Variants in MCU observed in about 807,000 individuals in gnomAD.
MCU encodes the protein mitochondrial calcium uniporter.
Under a neutral mutation model 45.2 loss-of-function variants are expected in MCU, and 12 were observed. That is an observed-to-expected ratio of 0.27 (90% CI 0.17 to 0.43). The LOEUF is 0.43. MCU is among the 20% of genes least tolerant of loss of function. The pLI, the probability that MCU is intolerant of heterozygous loss-of-function variation, is 1.00. For synonymous variants in MCU, 160 were observed against 165.1 expected, an observed-to-expected ratio of 0.97 and a Z score of 0.24; for missense variants, 324 against 436.7, an observed-to-expected ratio of 0.74 and a Z score of 2.30.
chr10:72,849,453 A>G lies in MCU; in HGVS notation c.221-9724A>G, dbSNP rs577676866. Among the ~76,000 whole-genome samples the G allele has an allele frequency of 2.0e-5, 3 of 152,220 alleles. No homozygotes were observed. In the South Asian group the frequency reaches 6.2e-4, roughly 32 times the overall value. ...ATGGGTGGTTAGGGAAGATGGATTC[A>G]CTTTTAGGACTTTTGAGTTTCAGTT... On this transcript the variant is annotated intron_variant, in intron 2 of 7. Transcript: ENST00000373053.
intron 6 of MCU, among the ~76,000 whole-genome samples, chr10:72,883,266 T>C (rs1845733161): frequency 6.6e-6 from 1 of 152,126 alleles, no homozygotes; most frequent in Admixed American, 6.5e-5. Context: ...TGGAGTTCTT[T>C]TTTGGGGTGA....
At position 72,813,928 on chromosome 10, in the gene MCU, T is replaced by A. The variant is rs189042925; in HGVS notation, c.151-20431T>A. Among the ~76,000 whole-genome samples the A allele has an allele frequency of 5.8e-3, 877 of 152,324 alleles. 8 individuals carry two copies. Among genetic ancestry groups the A allele is most frequent in the African/African-American group, 0.02 (815 of 41,566 alleles). Reference sequence around the variant, plus strand: ...TTCAGGTCTATACATACATATTTTTTAAACATAATTTAGGTTCTTGCTACA... The same window carrying A: ...TTCAGGTCTATACATACATATTTTTAAAACATAATTTAGGTTCTTGCTACA... On this transcript the variant is annotated intron_variant, in intron 1 of 7. Transcript: ENST00000373053.
chr10:72,825,525 G>GT (rs1445075687), intron 1 of MCU, among the ~76,000 whole-genome samples: 1 of 152,128 alleles, frequency 6.6e-6, no homozygotes, highest in Non-Finnish European at 1.5e-5. Flanking sequence ...TATTACCTGT[G>GT]TTTTATCAGT....
At chr10:72,695,085 A>G (rs1842669486) in intron 1 of MCU, among the ~76,000 whole-genome samples, 1 of 152,164 alleles carries the variant, frequency 6.6e-6, no homozygotes, top group Non-Finnish European at 1.5e-5. Flanking sequence ...GGTGGCTGCT[A>G]TTTTTAAGTA....
chr10:72,780,298 T>A (rs1843970201), intron 1 of MCU, among the ~76,000 whole-genome samples: 1 of 152,048 alleles, frequency 6.6e-6, no homozygotes, highest in South Asian at 2.1e-4. Flanking sequence ...GGGTATGAGG[T>A]TTCTTTTTAG....
intron 2 of MCU, among the ~76,000 whole-genome samples, chr10:72,840,391 A>C (rs959656284): frequency 9.9e-5 from 15 of 152,174 alleles, no homozygotes; most frequent in African/African-American, 1.9e-4. Flanking sequence ...TTATCTTCTT[A>C]TTATTGAGTT....
intron 2 of MCU, among the ~76,000 whole-genome samples, chr10:72,847,557 G>C (rs1300165722): frequency 6.6e-6 from 1 of 151,964 alleles, no homozygotes; most frequent in African/African-American, 2.4e-5. Context: ...TCTGCAGCTG[G>C]GTATTCACTG....
chr10:72,885,023 C>T (rs1845757430), intron 7 of MCU, among the ~76,000 whole-genome samples: 1 of 152,098 alleles, frequency 6.6e-6, no homozygotes, highest in South Asian at 2.1e-4. Context: ...CTTTTCCATC[C>T]TCTTTAATGT....
At chr10:72,881,033 G>A (rs1462388756) in intron 6 of MCU, among the ~76,000 whole-genome samples, 1 of 152,114 alleles carries the variant, frequency 6.6e-6, no homozygotes, top group Non-Finnish European at 1.5e-5. Context: ...AGGAAGCCAA[G>A]GTAGGAGGAT....
intron 1 of MCU, among the ~76,000 whole-genome samples, chr10:72,768,015 A>C (rs1181719137): frequency 2.6e-5 from 4 of 152,178 alleles, no homozygotes; most frequent in African/African-American, 9.7e-5. Flanking sequence ...CAAGATTCTT[A>C]AAATGACTTG....
intron 1 of MCU, among the ~76,000 whole-genome samples, chr10:72,746,648 T>C (rs781471471): frequency 6.6e-6 from 1 of 152,240 alleles, no homozygotes; most frequent in Non-Finnish European, 1.5e-5. Context: ...CTAGCCCTTA[T>C]GTGTTTGGGG....
chr10:72,822,289 TAAC>T (rs1225992546), intron 1 of MCU, among the ~76,000 whole-genome samples: 1 of 151,760 alleles, frequency 6.6e-6, no homozygotes, highest in Non-Finnish European at 1.5e-5. Flanking sequence ...AATAAGGAAA[TAAC>T]AACCAAGACT....
chr10:72,850,691 C>T (rs932230200), intron 2 of MCU, among the ~76,000 whole-genome samples: 2 of 152,070 alleles, frequency 1.3e-5, no homozygotes, highest in Non-Finnish European at 2.9e-5. Flanking sequence ...TGCACAATTC[C>T]GCATCTTTTG....
intron 2 of MCU, among the ~76,000 whole-genome samples, chr10:72,857,473 C>T (rs1845311038): frequency 6.6e-6 from 1 of 152,052 alleles, no homozygotes; most frequent in African/African-American, 2.4e-5. Context: ...CTCTTGACCT[C>T]ATGATCTGCC....
At position 72,882,671 on chromosome 10, in the gene MCU, G is replaced by C. The variant is rs1185011204; in HGVS notation, c.862-1595G>C. Among the ~76,000 whole-genome samples, 5 of 152,160 alleles carry C rather than the reference G, an allele frequency of 3.3e-5. No individual in the cohort carries two copies. In the East Asian group the frequency reaches 9.6e-4, roughly 29 times the overall value. On this transcript the variant is annotated intron_variant, in intron 6 of 7. Transcript: ENST00000373053. Reference sequence around the variant, plus strand: ...ATAAGATGTTATCAATGACAATGGTGCCCGAAACTTCATTAGCAATTTTAA... The same window carrying C: ...ATAAGATGTTATCAATGACAATGGTCCCCGAAACTTCATTAGCAATTTTAA...
intron 1 of MCU, among the ~76,000 whole-genome samples, chr10:72,822,477 C>T (rs1167542180): frequency 1.3e-5 from 2 of 151,982 alleles, no homozygotes; most frequent in Non-Finnish European, 2.9e-5. Context: ...CATGACTTAC[C>T]AAAAACCAAC....
At chr10:72,832,223 C>T in intron 1 of MCU, among the ~76,000 whole-genome samples, 1 of 152,104 alleles carries the variant, frequency 6.6e-6, no homozygotes, top group East Asian at 1.9e-4. Flanking sequence ...CGTGAACTAC[C>T]ATGCCTAGTC....
At chr10:72,879,772 T>G (rs752423378) in intron 6 of MCU, among the ~76,000 whole-genome samples, 5 of 152,158 alleles carry the variant, frequency 3.3e-5, no homozygotes, top group African/African-American at 4.8e-5. Flanking sequence ...CAGGCCGGGC[T>G]AAGTAGCTCA....
At chr10:72,834,512 A>G (rs1217785701) in intron 2 of MCU, 84 bp downstream of exon 2, 1 of 1,186,122 alleles carries the variant, frequency 8.4e-7, no homozygotes, top group African/African-American at 1.5e-5. Context: ...ACAAAAATTT[A>G]TAAACCATAC....
Sources: allele counts gnomAD v4.1 joint callset (sites outside exome capture counted in the v4.1 genomes callset), GRCh38; gene constraint gnomAD v4.1.1; transcripts MANE v1.5; gene names NCBI Gene and HGNC (gene_info 2026-07-23, HGNC 2026-07-21).